PCSK2: variants seen among roughly 807,000 people sequenced by gnomAD.
PCSK2 encodes the protein proprotein convertase subtilisin/kexin type 2.
A neutral mutation model predicts 69.7 loss-of-function variants in PCSK2; 14 were observed. The ratio of observed to expected loss-of-function variants is 0.20; its 90% CI spans 0.13 to 0.31. The LOEUF is 0.31. Among genes scored for constraint, PCSK2 ranks in the 10% least tolerant of loss-of-function variants. The pLI is 1.00. For synonymous variants in PCSK2, 307 were observed against 320.7 expected (o/e 0.96, Z 0.46); for missense variants, 544 against 842.5 (o/e 0.65, Z 4.39).
At chr20:17,307,645 C>G (rs1404722156) in intron 2 of PCSK2, among the ~76,000 whole-genome samples, 1 of 152,158 alleles carries the variant, frequency 6.6e-6, no homozygotes, top group Non-Finnish European at 1.5e-5. Flanking sequence ...GAATCCTCTT[C>G]CATATACCTA....
chr20:17,280,603 G>C (rs1296295066), intron 2 of PCSK2, among the ~76,000 whole-genome samples: 2 of 152,202 alleles, frequency 1.3e-5, no homozygotes, highest in African/African-American at 4.8e-5. Flanking sequence ...TAAGAAGGTA[G>C]TTTTGTTCCA....
At chr20:17,332,327 C>T (rs1159262303) in intron 2 of PCSK2, among the ~76,000 whole-genome samples, 1 of 152,030 alleles carries the variant, frequency 6.6e-6, no homozygotes, top group African/African-American at 2.4e-5. Flanking sequence ...CACACAAATA[C>T]TATTTTCTTA....
At chr20:17,417,591 G>A (rs894037877) in intron 6 of PCSK2, among the ~76,000 whole-genome samples, 1 of 152,170 alleles carries the variant, frequency 6.6e-6, no homozygotes, top group Admixed American at 6.5e-5. Flanking sequence ...ATGGGAGGCT[G>A]GTGAGGTGAA....
At chr20:17,328,422 T>C (rs1265696510) in intron 2 of PCSK2, among the ~76,000 whole-genome samples, 1 of 148,710 alleles carries the variant, frequency 6.7e-6, no homozygotes, top group East Asian at 1.9e-4. Flanking sequence ...ATTATAAAAT[T>C]ATACATAATT....
At chr20:17,363,615 C>T (rs1309127235) in intron 4 of PCSK2, among the ~76,000 whole-genome samples, 1 of 152,152 alleles carries the variant, frequency 6.6e-6, no homozygotes, top group Non-Finnish European at 1.5e-5. Flanking sequence ...ATGGCTGGTT[C>T]TCAAGATCAC....
intron 2 of PCSK2, among the ~76,000 whole-genome samples, chr20:17,348,491 T>C (rs1600511843): frequency 6.6e-6 from 1 of 152,190 alleles, no homozygotes; most frequent in South Asian, 2.1e-4. Flanking sequence ...ACAACCAAAG[T>C]ACACATGGGA....
intron 2 of PCSK2, among the ~76,000 whole-genome samples, chr20:17,297,947 A>G (rs1988952501): frequency 6.6e-6 from 1 of 152,184 alleles, no homozygotes; most frequent in African/African-American, 2.4e-5. Flanking sequence ...GATATTTTCT[A>G]TGTATTATCA....
At chr20:17,246,841 T>C (rs1445446609) in intron 1 of PCSK2, among the ~76,000 whole-genome samples, 1 of 151,898 alleles carries the variant, frequency 6.6e-6, no homozygotes, top group Non-Finnish European at 1.5e-5. Flanking sequence ...TGGAAATAGA[T>C]ACTTAATTTG....
At position 17,436,691 on chromosome 20, in the gene PCSK2, G is replaced by C. The variant is rs557006067; in HGVS notation, c.710-17G>C. ...GGGGAACCCAAACATGGTGTCCTCT[G>C]CTCAACGTGTCCACAGGCATCCGGA... On this transcript the variant is annotated splice_polypyrimidine_tract_variant and intron_variant, in intron 7 of 11. Transcript: ENST00000262545. The C allele has an allele frequency of 6.2e-7, 1 of 1,604,600 alleles. No homozygotes were observed. The highest frequency in any genetic ancestry group is 1.1e-5 in the South Asian group (1 of 89,418).
chr20:17,406,192 G>A (rs2031746245), intron 5 of PCSK2, among the ~76,000 whole-genome samples: 1 of 152,114 alleles, frequency 6.6e-6, no homozygotes. Context: ...ACTTATTCCT[G>A]TACACAAATA....
chr20:17,473,560 C>T (rs1457964391), intron 11 of PCSK2, among the ~76,000 whole-genome samples: 1 of 152,158 alleles, frequency 6.6e-6, no homozygotes, highest in African/African-American at 2.4e-5. Context: ...TTGATAATTC[C>T]TGAGCATATA....
intron 3 of PCSK2, 66 bp from the exon 4 acceptor site, chr20:17,360,466 A>C (rs2030354155): frequency 1.1e-6 from 1 of 908,832 alleles, no homozygotes; most frequent in African/African-American, 1.6e-5. Context: ...TGTCAAGTAA[A>C]TATGTACATG....
intron 2 of PCSK2, among the ~76,000 whole-genome samples, chr20:17,300,871 G>A (rs190653909): frequency 5.3e-5 from 8 of 152,276 alleles, no homozygotes; most frequent in African/African-American, 1.9e-4. Context: ...GTGTGTAATA[G>A]TAAGTGCTCT....
intron 10 of PCSK2, among the ~76,000 whole-genome samples, chr20:17,462,715 A>T (rs950228511): frequency 2.0e-5 from 3 of 152,214 alleles, no homozygotes; most frequent in African/African-American, 7.2e-5. Flanking sequence ...TTCATTGCGC[A>T]GTACCTTCTC....
chr20:17,381,083 T>C (rs1199880060), intron 5 of PCSK2, among the ~76,000 whole-genome samples: 1 of 152,222 alleles, frequency 6.6e-6, no homozygotes, highest in Non-Finnish European at 1.5e-5. Flanking sequence ...TTTTCCATCC[T>C]ACATGGCCAA....
At chr20:17,259,082 T>C (rs1307288278) in intron 1 of PCSK2, among the ~76,000 whole-genome samples, 1 of 152,050 alleles carries the variant, frequency 6.6e-6, no homozygotes, top group Non-Finnish European at 1.5e-5. Flanking sequence ...AAATCTCAGA[T>C]TGGCCCCATC....
intron 2 of PCSK2, among the ~76,000 whole-genome samples, chr20:17,318,430 A>C (rs987858392): frequency 4.6e-5 from 7 of 152,236 alleles, no homozygotes; most frequent in Non-Finnish European, 4.4e-5. Context: ...ATCCAAAAAA[A>C]AATGATGTTT....
chr20:17,292,139 T>A (rs1988718346), intron 2 of PCSK2, among the ~76,000 whole-genome samples: 1 of 152,188 alleles, frequency 6.6e-6, no homozygotes, highest in African/African-American at 2.4e-5. Flanking sequence ...AACCTCTAAA[T>A]GTGTCCCATA....
chr20:17,312,792 A>G (rs1399421740), intron 2 of PCSK2, among the ~76,000 whole-genome samples: 1 of 152,160 alleles, frequency 6.6e-6, no homozygotes, highest in East Asian at 1.9e-4. Context: ...AGTTAGCCCT[A>G]AAGAAACTAC....
Sources: gnomAD v4.1 joint callset for allele counts (sites outside exome capture counted in the v4.1 genomes callset) on GRCh38, gnomAD v4.1.1 for gene constraint, MANE v1.5 for transcripts, NCBI Gene and HGNC (gene_info 2026-07-23, HGNC 2026-07-21) for gene names.